The following MAPDA variants were observed in gnomAD, a reference collection of about 807,000 sequenced individuals.
MAPDA encodes N6,N6-dimethyl-AMP deaminase.
chr15:43,330,426 G>A, the MAPDA span: 38 of 1,561,134 alleles, frequency 2.4e-5, no homozygotes, highest in Non-Finnish European at 3.2e-5. Flanking sequence ...CGCTTGCTGA[G>A]GGCGCTGCTG....
chr15:43,340,324 G>A, the MAPDA span: 55 of 1,613,902 alleles, frequency 3.4e-5, no homozygotes, highest in African/African-American at 5.3e-5. Flanking sequence ...TGGAACTAAG[G>A]AGCACACCCA....
chr15:43,351,428 A>G, the MAPDA span: 10 of 336,754 alleles, frequency 3.0e-5, no homozygotes, highest in African/African-American at 6.4e-5. Flanking sequence ...GGACTTAAAA[A>G]CAAACAAAAA....
chr15:43,344,624 C>T, the MAPDA span, among the ~76,000 whole-genome samples: 7 of 152,116 alleles, frequency 4.6e-5, no homozygotes, highest in Admixed American at 4.6e-4. Flanking sequence ...CCCTGGCCAA[C>T]ATGATGAAAC....
chr15:43,352,128 T>C, the MAPDA span: 1 of 487,596 alleles, frequency 2.1e-6, no homozygotes, highest in South Asian at 6.1e-5. Flanking sequence ...TCACAAGCTC[T>C]CAGGTGCTTA....
At chr15:43,333,755 T>C in the MAPDA span, among the ~76,000 whole-genome samples, 1 of 152,254 alleles carries the variant, frequency 6.6e-6, no homozygotes, top group African/African-American at 2.4e-5. Flanking sequence ...GATAACATTA[T>C]TAAAAGCGCT....
At chr15:43,352,147 G>C in the MAPDA span, 6 of 430,166 alleles carry the variant, frequency 1.4e-5, no homozygotes, top group African/African-American at 1.0e-4. Context: ...TACTGGGTGG[G>C]ACTTGACTGT....
At chr15:43,330,431 C>T in the MAPDA span, 6 of 1,558,586 alleles carry the variant, frequency 3.8e-6, no homozygotes, top group Non-Finnish European at 5.2e-6. Context: ...GCTGAGGGCG[C>T]TGCTGTCGTT....
the MAPDA span, chr15:43,348,771 A>G: frequency 1.4e-6 from 1 of 735,560 alleles, no homozygotes; most frequent in Non-Finnish European, 2.1e-6. Flanking sequence ...AGAGCTAGGA[A>G]GGCAGAAGTA....
At chr15:43,343,111 A>G in the MAPDA span, 271 of 1,412,778 alleles carry the variant, frequency 1.9e-4, no homozygotes, top group Non-Finnish European at 2.4e-4. Flanking sequence ...AACATTTACA[A>G]AACCAGAATG....
the MAPDA span, among the ~76,000 whole-genome samples, chr15:43,341,442 A>C: frequency 6.6e-6 from 1 of 152,224 alleles, no homozygotes; most frequent in Non-Finnish European, 1.5e-5. Flanking sequence ...CAACCATTAA[A>C]AATACTGGTG....
At chr15:43,352,983 T>C in the MAPDA span, 5 of 151,976 alleles carry the variant, frequency 3.3e-5, no homozygotes, top group Non-Finnish European at 7.4e-5. Flanking sequence ...TCTCACTCTG[T>C]TCCCCAGGCT....
At chr15:43,338,451 C>G in the MAPDA span, among the ~76,000 whole-genome samples, 1 of 152,130 alleles carries the variant, frequency 6.6e-6, no homozygotes, top group East Asian at 1.9e-4. Flanking sequence ...TTTTATTGTT[C>G]CCTTTTTGTA....
the MAPDA span, chr15:43,353,622 G>T: frequency 0.17 from 25,254 of 152,160 alleles, 2,286 homozygotes; most frequent in Middle Eastern, 0.27. Flanking sequence ...GGGACTTTCA[G>T]TCCTCCCCCA....
chr15:43,354,527 TA>T, the MAPDA span: 10 of 152,240 alleles, frequency 6.6e-5, no homozygotes, highest in African/African-American at 2.4e-4. Context: ...TTTTTTTGTT[TA>T]ATATCTATAC....
At chr15:43,342,944 T>C in the MAPDA span, 3 of 1,334,110 alleles carry the variant, frequency 2.2e-6, no homozygotes, top group Non-Finnish European at 3.1e-6. Context: ...AGGTGAGGGA[T>C]GAAATAGTTG....
chr15:43,348,455 G>T, the MAPDA span, among the ~76,000 whole-genome samples: 3 of 152,072 alleles, frequency 2.0e-5, no homozygotes, highest in Admixed American at 2.0e-4. Context: ...TATTTGTTTT[G>T]CTCCCCAGAG....
chr15:43,347,020 G>A, the MAPDA span: 1 of 1,613,514 alleles, frequency 6.2e-7, no homozygotes, highest in Non-Finnish European at 8.5e-7. Flanking sequence ...TTTAAGGTAG[G>A]ACAAGCAAAA....
the MAPDA span, among the ~76,000 whole-genome samples, chr15:43,341,792 A>T: frequency 0.023 from 3,441 of 152,270 alleles, 142 homozygotes; most frequent in African/African-American, 0.079. Flanking sequence ...AAATGTGTAT[A>T]TGTGTACTTG....
the MAPDA span, among the ~76,000 whole-genome samples, chr15:43,344,008 TA>T: frequency 6.6e-6 from 1 of 151,942 alleles, no homozygotes. Context: ...TTCAGTAGGC[TA>T]AAAAAAGTAA....
Sources: allele counts gnomAD v4.1 joint callset (sites outside exome capture counted in the v4.1 genomes callset), GRCh38; gene constraint gnomAD v4.1.1; transcripts MANE v1.5; gene names NCBI Gene and HGNC (gene_info 2026-07-23, HGNC 2026-07-21).